The following HEATR1 variants were observed in gnomAD, a reference collection of about 807,000 sequenced individuals.
HEATR1 encodes HEAT repeat containing 1.
In HEATR1, 77 loss-of-function variants were observed where a neutral mutation model predicts 248.2. The ratio of observed to expected loss-of-function variants is 0.31; its 90% CI spans 0.26 to 0.37. The LOEUF (loss-of-function observed/expected upper bound fraction) is 0.37, where lower values mean the gene tolerates loss of function less well. Among genes scored for constraint, HEATR1 ranks in the 10% least tolerant of loss-of-function variants. The pLI is 1.00. For missense variants in HEATR1, 2,420 were observed against 2,504.9 expected, an observed-to-expected ratio of 0.97 and a Z score of 0.72; for synonymous variants, 897 against 923.1, an observed-to-expected ratio of 0.97 and a Z score of 0.51.
In HEATR1 at chr1:236,576,730, C is replaced by G. The variant is rs10925164; in HGVS notation, c.2925+50G>C. ...ATGTCGAGAATGGAGAAAATTGCTC[C>G]AGTACACAGAGGCATGAACACACTC... On this transcript the variant is annotated intron_variant, in intron 21 of 44. Coordinates refer to ENST00000366582, the MANE Select transcript of HEATR1 (RefSeq NM_018072.6). 22,242 of 1,511,902 alleles carry G rather than the reference C, an allele frequency of 0.015. 2,200 individuals are homozygous for G. In the African/African-American group the frequency reaches 0.24, roughly 16 times the overall value. 93.7% of individuals were successfully genotyped at this position (1,511,902 alleles called of 1,614,324 possible).
At position 236,559,594 on chromosome 1, in the gene HEATR1, T is replaced by G. The variant is rs1402469894; in HGVS notation, c.4770+120A>C. 2.4e-6 allele frequency: 3 copies of G among 1,232,778 alleles called. No homozygotes were observed. In the African/African-American group the frequency reaches 4.6e-5, roughly 19 times the overall value. The allele number at this position is 1,232,778 out of a possible 1,614,324, so 76.4% of individuals were successfully genotyped here. A position where few individuals can be genotyped will look rare whatever the true frequency, so the allele number is the denominator to read the frequency against. On this transcript the variant is annotated intron_variant, in intron 34 of 44. Coordinates refer to ENST00000366582, the MANE Select transcript of HEATR1 (RefSeq NM_018072.6). ...AAGAGATTGTTTTCTAAGAAAAATC[T>G]GAGCTTCATTATATTCATAAAAGGA...
In HEATR1 at chr1:236,566,025, GTC is replaced by G; in HGVS notation, c.4327_4328del (p.Asp1443HisfsTer2). ...AACAGACTGAAAACCAAAATTCAGT[GTC>G]TGCTTCTAAAATAGCATCCTGTGTA... ...YGEKDAILEA[D>X]TEFWFSVCCE... On this transcript the variant is annotated frameshift_variant, in exon 31 of 45. Coordinates refer to ENST00000366582, the MANE Select transcript of HEATR1 (RefSeq NM_018072.6). LOFTEE classifies it high-confidence loss of function. 1 of 1,613,598 alleles carries G rather than the reference GTC, an allele frequency of 6.2e-7. No individual in the cohort carries two copies. Among genetic ancestry groups the G allele is most frequent in the Non-Finnish European group, 8.5e-7 (1 of 1,179,802 alleles).
intron 37 of HEATR1, among the ~76,000 whole-genome samples, chr1:236,556,597 C>T (rs1475008428): frequency 6.6e-6 from 1 of 152,168 alleles, no homozygotes; most frequent in Non-Finnish European, 1.5e-5. Flanking sequence ...GCACAGGCCC[C>T]TTTCTCTGAG....
chr1:236,592,607 T>A lies in HEATR1; in HGVS notation c.1220A>T (p.Tyr407Phe), dbSNP rs746597368. The change falls in exon 10 of 45, where the codon TAT (tyrosine) becomes TTT (phenylalanine). Residue 407 changes from tyrosine to phenylalanine, a missense_variant. Physicochemically the swap from Tyr to Phe is conservative, Grantham distance 22 (BLOSUM62 3). Transcript: ENST00000366582. ...AGAATCCATTTCTTCCTGTGAACTA[T>A]ATGAAATATACTCTTCAAATAGAAG... ...ASLLFEEYISYSSQEEMDSNK... is the reference protein window; with the variant it reads ...ASLLFEEYISFSSQEEMDSNK... The A allele has an allele frequency of 6.8e-7, 1 of 1,468,792 alleles. No homozygotes were observed. Among genetic ancestry groups the A allele is most frequent in the Non-Finnish European group, 9.5e-7 (1 of 1,054,722 alleles). 91.0% of individuals were successfully genotyped at this position (1,468,792 alleles called of 1,614,324 possible).
chr1:236,594,106 T>G lies in HEATR1; in HGVS notation c.1099A>C (p.Thr367Pro). Residue 367 changes from threonine to proline, a missense_variant, in exon 9 of 45, where the codon ACT (threonine) becomes CCT (proline). Thr to Pro is a conservative substitution (Grantham distance 38). Coordinates refer to ENST00000366582, the MANE Select transcript of HEATR1 (RefSeq NM_018072.6). ...TAGATTTGACCATCCATTCCTTCAG[T>G]TTCTTCTCCTTAATATGTAAAAATT... The part of the protein sequence containing the change: ...SIIHHVTGEE[T>P]EGMDGQIYKR... 6.3e-7 allele frequency: 1 copy of G among 1,579,608 alleles called. No homozygotes were observed. Among genetic ancestry groups the G allele is most frequent in the Non-Finnish European group, 8.6e-7 (1 of 1,161,584 alleles).
At position 236,574,346 on chromosome 1, in the gene HEATR1, G is replaced by C. The variant is rs1410627834; in HGVS notation, c.3328-13C>G. The C allele has an allele frequency of 6.3e-7, 1 of 1,598,602 alleles. No individual in the cohort carries two copies. The highest frequency in any genetic ancestry group is 1.1e-5 in the South Asian group (1 of 87,314). On this transcript the variant is annotated splice_polypyrimidine_tract_variant and intron_variant, in intron 23 of 44. Transcript: ENST00000366582. ...ATGGTTTTGTAATCTAGAGGGGGTA[G>C]AAAAAAGGCAACTGAGTTCAGTGAA...
Position 236,562,269 on chromosome 1 carries a change from T to A in HEATR1, c.4600-998A>T, listed in dbSNP as rs966672414. 2.6e-5 allele frequency among the ~76,000 whole-genome samples: 4 copies of A among 152,250 alleles called. No individual in the cohort carries two copies. In the East Asian group the frequency reaches 7.7e-4, roughly 29 times the overall value. Reference sequence around the variant, plus strand: ...CTTTTTGATTTATGCAGAGCAATAATCTTCTCTCAGCCTGTGGCTTTCTAT... The same window carrying A: ...CTTTTTGATTTATGCAGAGCAATAAACTTCTCTCAGCCTGTGGCTTTCTAT... On this transcript the variant is annotated intron_variant, in intron 32 of 44. Transcript: ENST00000366582.
intron 13 of HEATR1, 63 bp downstream of exon 13, chr1:236,587,885 C>A: frequency 2.6e-6 from 3 of 1,134,960 alleles, no homozygotes; most frequent in Non-Finnish European, 3.9e-6. Context: ...AGCAGAGAAT[C>A]AAGTGAGAAG....
Position 236,582,591 on chromosome 1 carries a change from T to C in HEATR1, c.2562+145A>G. 3 of 756,168 alleles carry C rather than the reference T, an allele frequency of 4.0e-6. No homozygotes were observed. The East Asian group carries it at 7.8e-5, about 20-fold the overall frequency. The allele number at this position is 756,168 out of a possible 1,614,324, so 46.8% of individuals were successfully genotyped here. A position where few individuals can be genotyped will look rare whatever the true frequency, so the allele number is the denominator to read the frequency against. The stretch of plus-strand genomic sequence containing the variant: ...CTAATTTTTGTATTTTTAGTAGAAA[T>C]GGAGTTTCACTATGTTGGCCAGGCT... On this transcript the variant is annotated intron_variant, in intron 19 of 44. Transcript: ENST00000366582.
chr1:236,597,843 C>T, intron 5 of HEATR1, 35 bp downstream of exon 5: 1 of 1,362,908 alleles, frequency 7.3e-7, no homozygotes, highest in Non-Finnish European at 1.0e-6. Context: ...GCAATCTTTT[C>T]ATAAAATTAT....
chr1:236,603,385 CAA>C lies in HEATR1; in HGVS notation c.143-11_143-10del, dbSNP rs1664378630. On this transcript the variant is annotated splice_polypyrimidine_tract_variant and intron_variant, in intron 2 of 44. Transcript: ENST00000366582. ...TTCCAGGCCAGTACATCCTAAATTT[CAA>C]AAAAGGCCAGTTTATTTAACAATTC... The C allele has an allele frequency of 9.4e-6, 15 of 1,602,950 alleles. No individual in the cohort carries two copies. The highest frequency in any genetic ancestry group is 1.2e-5 in the Non-Finnish European group (14 of 1,174,690).
chr1:236,556,464 C>T (rs1038270461), intron 37 of HEATR1, among the ~76,000 whole-genome samples: 2 of 152,190 alleles, frequency 1.3e-5, no homozygotes, highest in African/African-American at 2.4e-5. Context: ...CGATCAGGGA[C>T]GAAGGCCGAT....
At chr1:236,554,847 C>A (rs1005062195) in intron 41 of HEATR1, 95 bp from the exon 42 acceptor site, 5 of 1,086,484 alleles carry the variant, frequency 4.6e-6, no homozygotes, top group Non-Finnish European at 6.7e-6. Flanking sequence ...ATAACTAAAT[C>A]AGAAGAGTCT....
intron 19 of HEATR1, among the ~76,000 whole-genome samples, chr1:236,582,490 C>T (rs1267167702): frequency 6.6e-6 from 1 of 150,978 alleles, no homozygotes; most frequent in African/African-American, 2.4e-5. Flanking sequence ...GCAACCTCTG[C>T]CTCCCGGGTT....
chr1:236,562,824 T>G (rs1663167459), intron 32 of HEATR1, among the ~76,000 whole-genome samples: 1 of 152,230 alleles, frequency 6.6e-6, no homozygotes, highest in East Asian at 1.9e-4. Flanking sequence ...CTGTAATATT[T>G]GTGCACATAT....
intron 3 of HEATR1, among the ~76,000 whole-genome samples, chr1:236,601,993 A>G (rs1391171829): frequency 2.0e-5 from 3 of 149,956 alleles, no homozygotes; most frequent in African/African-American, 7.4e-5. Flanking sequence ...CAAAAAATTA[A>G]CTGGGCGTAG....
intron 2 of HEATR1, 94 bp from the exon 3 acceptor site, chr1:236,603,470 T>C (rs1664381633): frequency 1.1e-6 from 1 of 929,100 alleles, no homozygotes; most frequent in African/African-American, 1.6e-5. Context: ...CTAAGAAGTT[T>C]CTGAATTCTT....
Position 236,558,506 on chromosome 1 carries a change from A to T in HEATR1, c.4935T>A (p.Val1645=), listed in dbSNP as rs1373485255. The T allele has an allele frequency of 6.2e-7, 1 of 1,613,174 alleles. No homozygotes were observed. The highest frequency in any genetic ancestry group is 2.2e-5 in the East Asian group (1 of 44,888). Residue 1645 remains valine (V), a synonymous_variant, in exon 36 of 45, where the codon GTT becomes GTA. Coordinates refer to ENST00000366582, the MANE Select transcript of HEATR1 (RefSeq NM_018072.6). ...KTIVTRFLKL[V]PDLLAIVQRK... ...GCTGCACAATGGCCAAAAGGTCTGG[A>T]ACCAGTTTTAGGAAACGGGTAACCT...
chr1:236,584,282 G>T (rs981834277), intron 17 of HEATR1, among the ~76,000 whole-genome samples: 2 of 151,950 alleles, frequency 1.3e-5, no homozygotes, highest in Non-Finnish European at 2.9e-5. Context: ...AAGACACCAA[G>T]AAACTAAAAG....
Sources: gnomAD v4.1 joint callset for allele counts (sites outside exome capture counted in the v4.1 genomes callset) on GRCh38, gnomAD v4.1.1 for gene constraint, MANE v1.5 for transcripts, NCBI Gene and HGNC (gene_info 2026-07-23, HGNC 2026-07-21) for gene names.